The following DSE variants were observed in gnomAD, a reference collection of about 807,000 sequenced individuals.
DSE encodes the protein dermatan-sulfate epimerase.
In DSE, 36 loss-of-function variants were observed where a neutral mutation model predicts 84.4. That is an observed-to-expected ratio of 0.43 (90% CI 0.33 to 0.56). The LOEUF (loss-of-function observed/expected upper bound fraction) is 0.56, where lower values mean the gene tolerates loss of function less well. DSE is among the 20% of genes least tolerant of loss of function. The pLI, the probability that DSE is intolerant of heterozygous loss-of-function variation, is 0.06. For missense variants in DSE, 862 were observed against 1,169.6 expected (o/e 0.74, Z 3.84); for synonymous variants, 410 against 430.1 (o/e 0.95, Z 0.58).
intron 2 of DSE, among the ~76,000 whole-genome samples, chr6:116,422,385 T>C (rs748539373): frequency 1.3e-5 from 2 of 152,248 alleles, no homozygotes; most frequent in Non-Finnish European, 2.9e-5. Flanking sequence ...CTGGCAGGCC[T>C]TCCTTGTTTA....
At chr6:116,334,787 A>G (rs904015014) in intron 2 of DSE, among the ~76,000 whole-genome samples, 1 of 152,014 alleles carries the variant, frequency 6.6e-6, no homozygotes, top group Non-Finnish European at 1.5e-5. Context: ...AACAATGATG[A>G]AAAAAAGCCC....
At chr6:116,306,266 T>G (rs1775338987) in intron 2 of DSE, among the ~76,000 whole-genome samples, 1 of 152,204 alleles carries the variant, frequency 6.6e-6, no homozygotes, top group South Asian at 2.1e-4. Flanking sequence ...AAACTCAATT[T>G]TTAGATATTG....
chr6:116,267,178 G>T (rs2114608145), intron 2 of DSE, among the ~76,000 whole-genome samples: 1 of 152,324 alleles, frequency 6.6e-6, no homozygotes, highest in East Asian at 1.9e-4. Context: ...TACTATATGT[G>T]ATTGTAGAGG....
chr6:116,306,618 C>T (rs1775361634), intron 2 of DSE, among the ~76,000 whole-genome samples: 1 of 152,178 alleles, frequency 6.6e-6, no homozygotes, highest in South Asian at 2.1e-4. Context: ...TCAAATGTTG[C>T]TTCTATAATA....
intron 2 of DSE, among the ~76,000 whole-genome samples, chr6:116,287,058 C>G (rs1773954602): frequency 6.6e-6 from 1 of 152,036 alleles, no homozygotes; most frequent in African/African-American, 2.4e-5. Flanking sequence ...AGAATATGTG[C>G]TGTTTGTTGC....
intron 2 of DSE, among the ~76,000 whole-genome samples, chr6:116,330,337 T>C (rs1180347266): frequency 6.6e-6 from 1 of 152,230 alleles, no homozygotes; most frequent in African/African-American, 2.4e-5. Flanking sequence ...GGAAGGCGTA[T>C]TAAAAATGGT....
intron 2 of DSE, among the ~76,000 whole-genome samples, chr6:116,302,927 G>C (rs1018634396): frequency 3.9e-5 from 6 of 152,068 alleles, no homozygotes; most frequent in Non-Finnish European, 8.8e-5. Context: ...GTTTTTGTCA[G>C]GTTTGTCAAA....
chr6:116,429,185 A>C lies in DSE; in HGVS notation c.671-1769A>C, dbSNP rs117694687. On this transcript the variant is annotated intron_variant, in intron 3 of 5. Coordinates refer to ENST00000644252, the MANE Select transcript of DSE (RefSeq NM_013352.4). The stretch of plus-strand genomic sequence containing the variant: ...ATTGAAAACTATCCAGAATATTGAC[A>C]TATCAGGTATGATGCTGGGTGGCAG... Among the ~76,000 whole-genome samples, 260 of 152,334 alleles carry C rather than the reference A, an allele frequency of 1.7e-3. 1 individual carries two copies. The highest frequency in any genetic ancestry group is 5.8e-3 in the African/African-American group (240 of 41,570).
rs939440093 is a variant in DSE, at chr6:116,439,673, T to A, written c.*2328T>A. On this transcript the variant is annotated 3_prime_UTR_variant, in exon 6 of 6. Coordinates refer to ENST00000644252, the MANE Select transcript of DSE (RefSeq NM_013352.4). ...AAACTGAGTAATCAGTTATGGAATCTGTTTCAATGCTGCTCACTATGACAG... is the reference window on the plus strand; with the variant it reads ...AAACTGAGTAATCAGTTATGGAATCAGTTTCAATGCTGCTCACTATGACAG... The A allele has an allele frequency of 6.6e-6, 1 of 152,230 alleles. No individual in the cohort carries two copies. The highest frequency in any genetic ancestry group is 1.9e-4 in the East Asian group (1 of 5,198). The allele number at this position is 152,230 out of a possible 1,614,324, so 9.4% of individuals were successfully genotyped here.
intron 2 of DSE, among the ~76,000 whole-genome samples, chr6:116,291,244 G>C (rs1249629188): frequency 6.6e-6 from 1 of 152,118 alleles, no homozygotes; most frequent in African/African-American, 2.4e-5. Flanking sequence ...TACTAGGAGA[G>C]TGTTGTTCCA....
chr6:116,353,715 T>C (rs1778440400), intron 2 of DSE, among the ~76,000 whole-genome samples: 1 of 152,224 alleles, frequency 6.6e-6, no homozygotes, highest in African/African-American at 2.4e-5. Flanking sequence ...TAGATCTGAC[T>C]GTCTCCAACC....
intron 2 of DSE, among the ~76,000 whole-genome samples, chr6:116,362,452 G>A (rs972684237): frequency 6.6e-6 from 1 of 152,150 alleles, no homozygotes; most frequent in Admixed American, 6.5e-5. Flanking sequence ...TTAAAGAAAG[G>A]CAAAATGAGG....
At chr6:116,403,303 A>C (rs2115003883) in intron 2 of DSE, among the ~76,000 whole-genome samples, 1 of 152,232 alleles carries the variant, frequency 6.6e-6, no homozygotes, top group East Asian at 1.9e-4. Context: ...TTAGTTTTAA[A>C]AGTAAAATTA....
chr6:116,368,357 A>C (rs1779284734), upstream of DSE, among the ~76,000 whole-genome samples: 1 of 152,210 alleles, frequency 6.6e-6, no homozygotes, highest in Non-Finnish European at 1.5e-5. Flanking sequence ...TGAGAATGAG[A>C]ACTTAAATGA....
chr6:116,352,303 A>T (rs1385439845), intron 2 of DSE, among the ~76,000 whole-genome samples: 3 of 152,202 alleles, frequency 2.0e-5, no homozygotes, highest in African/African-American at 7.2e-5. Context: ...ACCTTAACTT[A>T]TCCTGTTCCT....
chr6:116,329,910 G>T (rs1319060686), intron 2 of DSE, among the ~76,000 whole-genome samples: 2 of 152,140 alleles, frequency 1.3e-5, no homozygotes, highest in Admixed American at 1.3e-4. Context: ...TGCAACCTCC[G>T]CCTTCCGGAT....
chr6:116,372,079 A>G (rs992084724), intron 1 of DSE, among the ~76,000 whole-genome samples: 2 of 152,214 alleles, frequency 1.3e-5, no homozygotes, highest in Non-Finnish European at 2.9e-5. Flanking sequence ...ATGGTTTAGC[A>G]CTGTTAATTA....
intron 2 of DSE, among the ~76,000 whole-genome samples, chr6:116,297,470 C>G (rs1435653772): frequency 6.6e-6 from 1 of 152,160 alleles, no homozygotes; most frequent in Non-Finnish European, 1.5e-5. Context: ...CACTCTAATT[C>G]CTGACCCAAC....
intron 2 of DSE, among the ~76,000 whole-genome samples, chr6:116,339,724 G>T (rs1472593057): frequency 6.6e-6 from 1 of 152,170 alleles, no homozygotes; most frequent in East Asian, 1.9e-4. Context: ...GTTTATAGTT[G>T]AGGAAGAAGG....
Sources: allele counts gnomAD v4.1 joint callset (sites outside exome capture counted in the v4.1 genomes callset), GRCh38; gene constraint gnomAD v4.1.1; transcripts MANE v1.5; gene names NCBI Gene and HGNC (gene_info 2026-07-23, HGNC 2026-07-21).